CNTNAP2: variants seen among roughly 807,000 people sequenced by gnomAD.
CNTNAP2 encodes contactin-associated protein-like 2.
CNTNAP2 carries 98 observed loss-of-function variants against 155.2 expected under a neutral mutation model. That is an observed-to-expected ratio of 0.63 (90% confidence interval 0.54 to 0.75). The LOEUF (loss-of-function observed/expected upper bound fraction) is 0.75. Among genes scored for constraint, CNTNAP2 ranks in the 30% least tolerant of loss-of-function variants. The probability of loss-of-function intolerance (pLI) is 0.00; values close to 1 mark genes in which losing one functional copy is unlikely to be tolerated. For missense variants in CNTNAP2, 1,727 were observed against 1,688.1 expected (o/e 1.02, Z -0.40); for synonymous variants, 651 against 631.2 (o/e 1.03, Z -0.47).
Position 146,504,523 on chromosome 7 carries a change from T to C in CNTNAP2, c.98-269748T>C, listed in dbSNP as rs117457401. On this transcript the variant is annotated intron_variant, in intron 1 of 23. Transcript: ENST00000361727. Reference sequence around the variant, plus strand: ...CTGCACTACCACTTTCCTGGTTTGATCAACATCATCTGTCAACAGAAGGAG... The same window carrying C: ...CTGCACTACCACTTTCCTGGTTTGACCAACATCATCTGTCAACAGAAGGAG... Among the ~76,000 whole-genome samples, 195 of 152,298 alleles carry C rather than the reference T, an allele frequency of 1.3e-3. 3 individuals carry two copies. The highest frequency in any genetic ancestry group is 2.2e-3 in the Non-Finnish European group (152 of 68,014).
intron 22 of CNTNAP2, among the ~76,000 whole-genome samples, chr7:148,403,042 C>A (rs1170637345): frequency 1.4e-5 from 2 of 146,826 alleles, no homozygotes; most frequent in Non-Finnish European, 3.0e-5. Context: ...AAAAAAAAAA[C>A]TTTACTCTCT....
At chr7:147,798,450 G>A (rs528843600) in intron 13 of CNTNAP2, among the ~76,000 whole-genome samples, 35 of 152,300 alleles carry the variant, frequency 2.3e-4, no homozygotes, top group African/African-American at 7.7e-4. Context: ...ACTCCAGGAT[G>A]TCAGGGCTCT....
At chr7:146,231,416 T>A (rs1275274661) in intron 1 of CNTNAP2, among the ~76,000 whole-genome samples, 1 of 152,164 alleles carries the variant, frequency 6.6e-6, no homozygotes, top group African/African-American at 2.4e-5. Flanking sequence ...ACTAGTCACC[T>A]CCTCCTTTGT....
At chr7:146,820,564 C>G (rs1803260668) in intron 2 of CNTNAP2, among the ~76,000 whole-genome samples, 1 of 152,024 alleles carries the variant, frequency 6.6e-6, no homozygotes, top group South Asian at 2.1e-4. Context: ...TTTACATTTG[C>G]TGAGGAGTGC....
intron 1 of CNTNAP2, among the ~76,000 whole-genome samples, chr7:146,454,104 A>T (rs529355186): frequency 5.0e-4 from 76 of 152,338 alleles, no homozygotes; most frequent in African/African-American, 1.8e-3. Context: ...ATAAAGATAA[A>T]ATTTTAAAGT....
In CNTNAP2 at chr7:148,415,724, C is replaced by G. The variant is rs1799971173; in HGVS notation, c.*108C>G. The G allele has an allele frequency of 2.3e-6, 3 of 1,277,970 alleles. No homozygotes were observed. The highest frequency in any genetic ancestry group is 3.9e-5 in the Admixed American group (2 of 51,396). The allele number at this position is 1,277,970 out of a possible 1,614,324, so 79.2% of individuals were successfully genotyped here. A position where few individuals can be genotyped will look rare whatever the true frequency, so the allele number is the denominator to read the frequency against. Reference sequence around the variant, plus strand: ...CTTGAGCACATCCTTAAAATATCAGCACAAGTTGGGGGAGGCAGGCAATGG... The same window carrying G: ...CTTGAGCACATCCTTAAAATATCAGGACAAGTTGGGGGAGGCAGGCAATGG... On this transcript the variant is annotated 3_prime_UTR_variant, in exon 24 of 24. Transcript: ENST00000361727.
intron 13 of CNTNAP2, among the ~76,000 whole-genome samples, chr7:147,866,520 G>A (rs1799231538): frequency 6.6e-6 from 1 of 152,152 alleles, no homozygotes; most frequent in African/African-American, 2.4e-5. Flanking sequence ...ACAGTAGGGT[G>A]TTAAAGTCTC....
chr7:148,164,611 CTTTTTTTTTTT>C (rs1175888434), intron 17 of CNTNAP2, among the ~76,000 whole-genome samples: 1 of 93,488 alleles, frequency 1.1e-5, no homozygotes. Flanking sequence ...TTTTCTCTCT[CTTTTTTTTTTT>C]TTTTTTTTTT....
In CNTNAP2 at chr7:146,371,365, G is replaced by GTTTTTTTTTT. The variant is rs58066282; in HGVS notation, c.97+254404_97+254413dup. Among the ~76,000 whole-genome samples, 19 of 98,538 alleles carry GTTTTTTTTTT rather than the reference G, an allele frequency of 1.9e-4. 1 individual carries two copies. The highest frequency in any genetic ancestry group is 3.1e-4 in the African/African-American group (7 of 22,324). The allele number at this position is 98,538 out of a possible 152,430, so 64.6% of individuals were successfully genotyped here. A position where few individuals can be genotyped will look rare whatever the true frequency, so the allele number is the denominator to read the frequency against. ...TGCAATATAATATATGCCAGTATTAGTTTTTTTTTTTTTTTTTTTTTGAGA... is the reference window on the plus strand; with the variant it reads ...TGCAATATAATATATGCCAGTATTAGTTTTTTTTTTTTTTTTTTTTTTTTTTTTTTTGAGA... On this transcript the variant is annotated intron_variant, in intron 1 of 23. Coordinates refer to ENST00000361727, the MANE Select transcript of CNTNAP2 (RefSeq NM_014141.6).
intron 13 of CNTNAP2, among the ~76,000 whole-genome samples, chr7:147,901,514 T>C (rs868495613): frequency 3.3e-5 from 5 of 152,228 alleles, no homozygotes; most frequent in Middle Eastern, 3.2e-3. Context: ...TCAGCACATC[T>C]CTTCAGCCCA....
chr7:146,429,544 T>C (rs1053764779), intron 1 of CNTNAP2, among the ~76,000 whole-genome samples: 6 of 152,162 alleles, frequency 3.9e-5, no homozygotes, highest in Non-Finnish European at 1.5e-5. Flanking sequence ...TGTTGGTGCA[T>C]AGCAATGCTA....
intron 13 of CNTNAP2, among the ~76,000 whole-genome samples, chr7:147,740,442 C>T (rs1274439335): frequency 6.6e-6 from 1 of 152,188 alleles, no homozygotes; most frequent in African/African-American, 2.4e-5. Flanking sequence ...GCCCAACAAA[C>T]CCACTGAGGC....
intron 8 of CNTNAP2, among the ~76,000 whole-genome samples, chr7:147,274,156 T>G (rs1356206639): frequency 6.6e-6 from 1 of 151,968 alleles, no homozygotes; most frequent in East Asian, 1.9e-4. Context: ...GATCAACATA[T>G]GAGTGTTGGG....
At chr7:146,604,925 G>A (rs1430666586) in intron 1 of CNTNAP2, among the ~76,000 whole-genome samples, 4 of 112,034 alleles carry the variant, frequency 3.6e-5, no homozygotes, top group African/African-American at 6.6e-5. Flanking sequence ...GGACTGTTGT[G>A]GGGTGGGGGG....
chr7:146,663,318 GA>G (rs58871748), intron 1 of CNTNAP2, among the ~76,000 whole-genome samples: 13 of 140,834 alleles, frequency 9.2e-5, no homozygotes, highest in South Asian at 2.2e-4. Context: ...AAAAAGAAAG[GA>G]AAAAAAAAGA....
rs1639489085 is a variant in CNTNAP2 at position 148,003,232 on chromosome 7, T to G, written c.2383+25243T>G. 2.6e-5 allele frequency among the ~76,000 whole-genome samples: 4 copies of G among 152,260 alleles called. No homozygotes were observed. In the South Asian group the frequency reaches 8.3e-4, roughly 32 times the overall value. ...TAAAACACACAGTCCTGCTAACCAT[T>G]TCTTATCCCAGTCACCTGAAGGGAT... On this transcript the variant is annotated intron_variant, in intron 15 of 23. Transcript: ENST00000361727.
At chr7:147,248,492 T>C (rs1804116738) in intron 8 of CNTNAP2, among the ~76,000 whole-genome samples, 1 of 152,184 alleles carries the variant, frequency 6.6e-6, no homozygotes, top group Non-Finnish European at 1.5e-5. Flanking sequence ...GGGTCAGTGG[T>C]ATTTTCTCCA....
chr7:148,177,600 T>C (rs1213387299), intron 18 of CNTNAP2, among the ~76,000 whole-genome samples: 6 of 152,238 alleles, frequency 3.9e-5, no homozygotes, highest in Non-Finnish European at 8.8e-5. Context: ...TGCTAGGCAG[T>C]GTGCTAAGCT....
At chr7:147,119,824 T>C (rs1446199539) in intron 5 of CNTNAP2, among the ~76,000 whole-genome samples, 1 of 152,048 alleles carries the variant, frequency 6.6e-6, no homozygotes, top group East Asian at 1.9e-4. Flanking sequence ...TGACAGTCAA[T>C]TGTTTATCTC....
Sources: allele counts gnomAD v4.1 joint callset (sites outside exome capture counted in the v4.1 genomes callset), GRCh38; gene constraint gnomAD v4.1.1; transcripts MANE v1.5; gene names NCBI Gene and HGNC (gene_info 2026-07-23, HGNC 2026-07-21).